TRAPPC9: variants seen among roughly 807,000 people sequenced by gnomAD.
TRAPPC9 encodes trafficking protein particle complex subunit 9, also known as IKK2 binding protein.
In TRAPPC9, 83 loss-of-function variants were observed where a neutral mutation model predicts 124.0. The observed-to-expected ratio is 0.67, with a 90% CI of 0.56 to 0.80. The LOEUF is 0.80. Among genes scored for constraint, TRAPPC9 ranks in the 30% least tolerant of loss-of-function variants. The probability of loss-of-function intolerance (pLI) is 0.00; values close to 1 mark genes in which losing one functional copy is unlikely to be tolerated. For missense variants in TRAPPC9, 1,302 were observed against 1,508.3 expected (o/e 0.86, Z 2.27); for synonymous variants, 638 against 617.5 (o/e 1.03, Z -0.49).
chr8:139,903,245 A>C (rs1831132154), intron 20 of TRAPPC9, among the ~76,000 whole-genome samples: 1 of 152,166 alleles, frequency 6.6e-6, no homozygotes, highest in Admixed American at 6.5e-5. Flanking sequence ...GGGTATCTAA[A>C]GCCATTTGCC....
At chr8:140,392,863 C>G (rs550087362) in intron 7 of TRAPPC9, among the ~76,000 whole-genome samples, 2 of 152,308 alleles carry the variant, frequency 1.3e-5, no homozygotes, top group South Asian at 2.1e-4. Context: ...CCTCAACAAA[C>G]AGGAGCTGCC....
intron 21 of TRAPPC9, among the ~76,000 whole-genome samples, chr8:139,754,212 T>C (rs187291307): frequency 3.2e-4 from 49 of 152,308 alleles, no homozygotes; most frequent in African/African-American, 1.2e-3. Flanking sequence ...CTCCAGACCC[T>C]GCTTTCCTTC....
Position 140,075,862 on chromosome 8 carries a change from C to T in TRAPPC9, c.2557-51783G>A, listed in dbSNP as rs116962582. Among the ~76,000 whole-genome samples the T allele has an allele frequency of 4.8e-3, 727 of 152,310 alleles. 6 individuals are homozygous for T. Among genetic ancestry groups the T allele is most frequent in the Non-Finnish European group, 5.2e-3 (355 of 68,028 alleles). ...GAAAATATCCTTCTGAAGCTGGACA[C>T]GGGGCATTTTGACTCACTTCTGCTT... On this transcript the variant is annotated intron_variant, in intron 17 of 22. Coordinates refer to ENST00000438773, the MANE Select transcript of TRAPPC9 (RefSeq NM_001160372.4).
rs915039088 is a variant in TRAPPC9 at position 139,751,156 on chromosome 8, T to C, written c.3056-18954A>G. Among the ~76,000 whole-genome samples the C allele has an allele frequency of 4.6e-5, 7 of 152,306 alleles. No homozygotes were observed. The East Asian group carries it at 7.7e-4, about 17-fold the overall frequency. On this transcript the variant is annotated intron_variant, in intron 21 of 22. Transcript: ENST00000438773. ...GGAGAAAGGTTATGGGAGGTCAACA[T>C]AGTCAGCCCACCCAGCCACAGGTCT...
rs1356802857 is a variant in TRAPPC9 at position 140,353,483 on chromosome 8, T to C, written c.1495+6567A>G. Among the ~76,000 whole-genome samples the C allele has an allele frequency of 6.6e-6, 1 of 152,238 alleles. No homozygotes were observed. The highest frequency in any genetic ancestry group is 6.5e-5 in the Admixed American group (1 of 15,288). The stretch of plus-strand genomic sequence containing the variant: ...TTACTCGCTCACCTGGGGCTTTTGA[T>C]CCCAGTCCCTGAAACAGTTTACCTA... On this transcript the variant is annotated intron_variant, in intron 9 of 22. Transcript: ENST00000438773. The surrounding 1 kb of genome is among the most constrained non-coding windows in gnomAD (Gnocchi z 4.2).
chr8:139,980,583 T>C lies in TRAPPC9; in HGVS notation c.2810+8143A>G, dbSNP rs541940483. 7.2e-5 allele frequency among the ~76,000 whole-genome samples: 11 copies of C among 152,326 alleles called. No individual in the cohort carries two copies. The South Asian group carries it at 1.0e-3, about 14-fold the overall frequency. ...ATCACCAACGGCTGGCCACTGGCCA[T>C]GCATCGGGCATGGCCTCTAACGCTG... On this transcript the variant is annotated intron_variant, in intron 19 of 22. Coordinates refer to ENST00000438773, the MANE Select transcript of TRAPPC9 (RefSeq NM_001160372.4).
chr8:140,259,632 A>C (rs542833301), intron 15 of TRAPPC9, among the ~76,000 whole-genome samples: 1 of 152,346 alleles, frequency 6.6e-6, no homozygotes, highest in African/African-American at 2.4e-5. Flanking sequence ...ATAAGTACTC[A>C]ACCAATGCTA....
At chr8:140,297,935 C>T (rs2065859636) in intron 11 of TRAPPC9, among the ~76,000 whole-genome samples, 1 of 152,168 alleles carries the variant, frequency 6.6e-6, no homozygotes, top group African/African-American at 2.4e-5. Context: ...TGAGAGGAAA[C>T]CATAGGGTAC....
intron 3 of TRAPPC9, among the ~76,000 whole-genome samples, chr8:140,435,830 G>C (rs2070794571): frequency 6.6e-6 from 1 of 152,128 alleles, no homozygotes; most frequent in Non-Finnish European, 1.5e-5. Flanking sequence ...ATAATCTCCA[G>C]CTATGCCACA....
chr8:139,973,900 C>A (rs187316931), intron 19 of TRAPPC9, among the ~76,000 whole-genome samples: 1 of 152,252 alleles, frequency 6.6e-6, no homozygotes, highest in East Asian at 1.9e-4. Flanking sequence ...TCCCTGCGAA[C>A]CTCCCCACAC....
At chr8:139,940,547 T>A (rs1833844754) in intron 19 of TRAPPC9, among the ~76,000 whole-genome samples, 1 of 152,148 alleles carries the variant, frequency 6.6e-6, no homozygotes, top group South Asian at 2.1e-4. Flanking sequence ...AGGCAGGACG[T>A]GGAGAGCGGC....
chr8:139,891,207 T>A (rs1017014403), intron 20 of TRAPPC9, among the ~76,000 whole-genome samples: 1 of 152,352 alleles, frequency 6.6e-6, no homozygotes, highest in African/African-American at 2.4e-5. Context: ...GATTTGAATA[T>A]CCTCATTTTA....
At chr8:140,364,606 G>A (rs552379774) in intron 8 of TRAPPC9, among the ~76,000 whole-genome samples, 9 of 151,504 alleles carry the variant, frequency 5.9e-5, no homozygotes, top group East Asian at 2.0e-4. Context: ...TTTTCGAGAC[G>A]GAGTCTCGCT....
At chr8:139,756,433 T>G (rs1586775497) in intron 21 of TRAPPC9, among the ~76,000 whole-genome samples, 8 of 104,602 alleles carry the variant, frequency 7.6e-5, no homozygotes, top group East Asian at 3.0e-4. Flanking sequence ...AGCCAGGGTT[T>G]GGGGATGAGG....
At chr8:140,393,032 T>TTTTTTTTATTTTATTTTA (rs574235886) in intron 7 of TRAPPC9, among the ~76,000 whole-genome samples, 15 of 138,024 alleles carry the variant, frequency 1.1e-4, no homozygotes, top group African/African-American at 1.6e-4. Context: ...TCCCATTTTA[T>TTTTTTTTATTTTATTTTA]TTTTATTTTA....
intron 21 of TRAPPC9, among the ~76,000 whole-genome samples, chr8:139,795,966 C>A (rs1203901893): frequency 6.6e-6 from 1 of 151,554 alleles, no homozygotes; most frequent in Non-Finnish European, 1.5e-5. Flanking sequence ...TTAAGAATCT[C>A]GCACCCTTGG....
intron 4 of TRAPPC9, among the ~76,000 whole-genome samples, chr8:140,433,091 C>T (rs1005408865): frequency 1.3e-5 from 2 of 150,558 alleles, no homozygotes; most frequent in African/African-American, 4.9e-5. Flanking sequence ...TCACTTGAGT[C>T]AGGAGTTGGA....
At chr8:139,933,029 C>T (rs1389329426) in intron 19 of TRAPPC9, 2 of 157,370 alleles carry the variant, frequency 1.3e-5, no homozygotes, top group African/African-American at 4.8e-5. Flanking sequence ...GAAGCATCTC[C>T]TCATTCCCCG....
chr8:139,863,748 A>G (rs766801076), intron 21 of TRAPPC9, among the ~76,000 whole-genome samples: 1 of 152,218 alleles, frequency 6.6e-6, no homozygotes, highest in Admixed American at 6.5e-5. Context: ...GACAACCCCG[A>G]ACATCACCCC....
Sources: allele counts gnomAD v4.1 joint callset (sites outside exome capture counted in the v4.1 genomes callset), GRCh38; gene constraint gnomAD v4.1.1; non-coding constraint Gnocchi (gnomAD v3.1); transcripts MANE v1.5; gene names NCBI Gene and HGNC (gene_info 2026-07-23, HGNC 2026-07-21).